The following SORCS1 variants were observed in gnomAD, a reference collection of about 807,000 sequenced individuals.
SORCS1 encodes the protein VPS10 domain-containing receptor SorCS1.
A neutral mutation model predicts 146.1 loss-of-function variants in SORCS1; 60 were observed. The ratio of observed to expected loss-of-function variants is 0.41; its 90% CI spans 0.33 to 0.51. The LOEUF is 0.51. Among genes scored for constraint, SORCS1 ranks in the 20% least tolerant of loss-of-function variants. The pLI, the probability that SORCS1 is intolerant of heterozygous loss-of-function variation, is 0.21. For synonymous variants in SORCS1, 637 were observed against 584.0 expected (o/e 1.09, Z -1.31); for missense variants, 1,352 against 1,487.6 (o/e 0.91, Z 1.50).
At chr10:106,906,128 A>G (rs1477701182) in intron 2 of SORCS1, among the ~76,000 whole-genome samples, 3 of 152,060 alleles carry the variant, frequency 2.0e-5, no homozygotes, top group South Asian at 2.1e-4. Context: ...TTGTTTGTTT[A>G]TTTGTTTGTT....
intron 10 of SORCS1, among the ~76,000 whole-genome samples, chr10:106,685,146 A>G (rs1263239239): frequency 6.6e-6 from 1 of 152,194 alleles, no homozygotes; most frequent in African/African-American, 2.4e-5. Flanking sequence ...TTCAGAAGGT[A>G]GAAAATGTGA....
chr10:106,966,491 T>A (rs903147458), intron 1 of SORCS1, among the ~76,000 whole-genome samples: 3 of 152,190 alleles, frequency 2.0e-5, no homozygotes, highest in African/African-American at 7.2e-5. Context: ...TAATTTAATG[T>A]CATGTTTATT....
chr10:107,120,227 G>A (rs1032595934), intron 1 of SORCS1, among the ~76,000 whole-genome samples: 2 of 151,962 alleles, frequency 1.3e-5, no homozygotes, highest in Admixed American at 1.3e-4. Context: ...TAACTACTTG[G>A]CATCTTCATA....
chr10:106,913,738 T>C (rs773314494), intron 2 of SORCS1, among the ~76,000 whole-genome samples: 2 of 152,198 alleles, frequency 1.3e-5, no homozygotes, highest in African/African-American at 2.4e-5. Context: ...AGAAAGATCA[T>C]TTTTCCTGTA....
Position 106,574,403 on chromosome 10 carries a change from C to T in SORCS1, c.*3017G>A, listed in dbSNP as rs959868121. Reference sequence around the variant, plus strand: ...CTCCTCTGACCTTAAGCCCACCAAACTCCTTGTGTGTTTGCACCTGCGATT... The same window carrying T: ...CTCCTCTGACCTTAAGCCCACCAAATTCCTTGTGTGTTTGCACCTGCGATT... On this transcript the variant is annotated 3_prime_UTR_variant, in exon 26 of 26. Coordinates refer to ENST00000263054, the MANE Select transcript of SORCS1 (RefSeq NM_052918.5). 3 of 152,600 alleles carry T rather than the reference C, an allele frequency of 2.0e-5. No individual in the cohort carries two copies. The highest frequency in any genetic ancestry group is 4.4e-5 in the Non-Finnish European group (3 of 68,044). The allele number at this position is 152,600 out of a possible 1,614,324, so 9.5% of individuals were successfully genotyped here.
chr10:106,907,192 G>A (rs1951945774), intron 2 of SORCS1, among the ~76,000 whole-genome samples: 1 of 152,126 alleles, frequency 6.6e-6, no homozygotes, highest in Admixed American at 6.5e-5. Context: ...ACTTTGCTAG[G>A]TCAATGGGTT....
intron 1 of SORCS1, among the ~76,000 whole-genome samples, chr10:107,013,855 T>C (rs1957780472): frequency 6.6e-6 from 1 of 152,142 alleles, no homozygotes. Context: ...TCTGTAAAAA[T>C]GAGTCACCCA....
intron 2 of SORCS1, among the ~76,000 whole-genome samples, chr10:106,887,004 T>C (rs527406435): frequency 6.6e-6 from 1 of 152,312 alleles, no homozygotes; most frequent in East Asian, 1.9e-4. Context: ...TCTTCATAAA[T>C]GAGAGTTGAT....
intron 12 of SORCS1, among the ~76,000 whole-genome samples, chr10:106,677,712 T>C (rs774816684): frequency 1.3e-5 from 2 of 152,182 alleles, no homozygotes; most frequent in Admixed American, 6.5e-5. Flanking sequence ...TGTCAGAATA[T>C]TGGTTAACTG....
intron 1 of SORCS1, among the ~76,000 whole-genome samples, chr10:107,007,288 A>T (rs987489880): frequency 4.3e-4 from 65 of 152,218 alleles, no homozygotes; most frequent in African/African-American, 1.6e-3. Context: ...AATAGACCAC[A>T]GTAGGAGTGA....
intron 1 of SORCS1, among the ~76,000 whole-genome samples, chr10:107,012,354 G>A: frequency 6.6e-6 from 1 of 152,160 alleles, no homozygotes; most frequent in East Asian, 1.9e-4. Context: ...AGTTGAACAG[G>A]CTTGAGGAAA....
chr10:107,001,942 T>C (rs1294536994), intron 1 of SORCS1, among the ~76,000 whole-genome samples: 1 of 152,248 alleles, frequency 6.6e-6, no homozygotes, highest in African/African-American at 2.4e-5. Flanking sequence ...TATTAACTTT[T>C]CTTTCTTCAT....
intron 24 of SORCS1, among the ~76,000 whole-genome samples, chr10:106,586,363 T>C (rs1471333694): frequency 6.6e-6 from 1 of 152,210 alleles, no homozygotes; most frequent in Non-Finnish European, 1.5e-5. Flanking sequence ...TCCTATGTTC[T>C]GGCATCTTGT....
intron 2 of SORCS1, among the ~76,000 whole-genome samples, chr10:106,905,433 T>A (rs899567721): frequency 2.6e-5 from 4 of 152,194 alleles, no homozygotes; most frequent in African/African-American, 9.6e-5. Context: ...AAGAAAAATT[T>A]TTAAATGTTA....
chr10:106,585,186 T>C (rs1234788454), intron 24 of SORCS1, among the ~76,000 whole-genome samples: 1 of 151,034 alleles, frequency 6.6e-6, no homozygotes, highest in Non-Finnish European at 1.5e-5. Flanking sequence ...ATCGTGCCAC[T>C]GTACTCCAGC....
intron 1 of SORCS1, among the ~76,000 whole-genome samples, chr10:106,998,244 C>T (rs1957079308): frequency 6.6e-6 from 1 of 152,206 alleles, no homozygotes; most frequent in Non-Finnish European, 1.5e-5. Context: ...ATAATAGCTA[C>T]AAGAATAAGC....
At chr10:106,955,803 C>A (rs1589785903) in intron 2 of SORCS1, among the ~76,000 whole-genome samples, 1 of 152,018 alleles carries the variant, frequency 6.6e-6, no homozygotes, top group East Asian at 1.9e-4. Flanking sequence ...TCAGCCTCAC[C>A]AACATGGAGA....
intron 5 of SORCS1, among the ~76,000 whole-genome samples, chr10:106,758,893 G>A (rs1248414086): frequency 6.6e-6 from 1 of 152,186 alleles, no homozygotes; most frequent in Non-Finnish European, 1.5e-5. Flanking sequence ...ATAAGCTTCT[G>A]TGCAACAAAA....
rs531538291 is a variant in SORCS1 at position 107,119,736 on chromosome 10, C to A, written c.558+44233G>T. Among the ~76,000 whole-genome samples the A allele has an allele frequency of 4.6e-5, 7 of 152,198 alleles. No individual in the cohort carries two copies. In the South Asian group the frequency reaches 1.5e-3, roughly 32 times the overall value. ...CATGTCATGGAGCTAAGAAAAATGT[C>A]TTCTAATAACCTATAGAATTTGGGT... On this transcript the variant is annotated intron_variant, in intron 1 of 25. Coordinates refer to ENST00000263054, the MANE Select transcript of SORCS1 (RefSeq NM_052918.5).
Sources: allele counts gnomAD v4.1 joint callset (sites outside exome capture counted in the v4.1 genomes callset), GRCh38; gene constraint gnomAD v4.1.1; transcripts MANE v1.5; gene names NCBI Gene and HGNC (gene_info 2026-07-23, HGNC 2026-07-21).